Variants in KCNIP1 observed in about 807,000 individuals in gnomAD.
KCNIP1 encodes potassium voltage-gated channel interacting protein 1.
In KCNIP1, 18 loss-of-function variants were observed where a neutral mutation model predicts 33.0. The ratio of observed to expected loss-of-function variants is 0.55; its 90% CI spans 0.38 to 0.81. The LOEUF (loss-of-function observed/expected upper bound fraction) is 0.81. Among genes scored for constraint, KCNIP1 ranks in the 30% least tolerant of loss-of-function variants. The probability of loss-of-function intolerance (pLI) is 0.00; values close to 1 mark genes in which losing one functional copy is unlikely to be tolerated. For missense variants in KCNIP1, 238 were observed against 271.6 expected (o/e 0.88, Z 0.87); for synonymous variants, 93 against 98.3 (o/e 0.95, Z 0.32).
At chr5:170,734,253 GGA>G (rs1055872658) in intron 7 of KCNIP1, among the ~76,000 whole-genome samples, 2 of 65,406 alleles carry the variant, frequency 3.1e-5, no homozygotes, top group African/African-American at 1.1e-4. Context: ...GCAGCTGGGG[GGA>G]AAAAAACCTA....
chr5:170,381,130 T>C (rs1489736798), intron 1 of KCNIP1, among the ~76,000 whole-genome samples: 2 of 152,182 alleles, frequency 1.3e-5, no homozygotes, highest in African/African-American at 2.4e-5. Flanking sequence ...CTCTGCCTGC[T>C]CAGGGTTCCT....
chr5:170,497,616 C>T (rs560883671), intron 1 of KCNIP1, among the ~76,000 whole-genome samples: 20 of 152,196 alleles, frequency 1.3e-4, no homozygotes, highest in Non-Finnish European at 2.2e-4. Flanking sequence ...TCTAACCACC[C>T]GTCCCCTTTC....
intron 1 of KCNIP1, among the ~76,000 whole-genome samples, chr5:170,358,115 G>T (rs1392996731): frequency 6.6e-6 from 1 of 152,134 alleles, no homozygotes; most frequent in Non-Finnish European, 1.5e-5. Flanking sequence ...AGTTGTGCAG[G>T]CTCCATTCTG....
chr5:170,694,644 T>C (rs1762831850), intron 1 of KCNIP1, among the ~76,000 whole-genome samples: 1 of 152,274 alleles, frequency 6.6e-6, no homozygotes, highest in Non-Finnish European at 1.5e-5. Context: ...CTTCCTGAGA[T>C]TGGTTATGAA....
intron 1 of KCNIP1, among the ~76,000 whole-genome samples, chr5:170,691,677 A>G (rs1004182067): frequency 6.6e-6 from 1 of 152,164 alleles, no homozygotes. Context: ...TTCCACTAGT[A>G]TCATGTGGCC....
intron 1 of KCNIP1, among the ~76,000 whole-genome samples, chr5:170,670,863 T>C (rs1761890012): frequency 6.7e-6 from 1 of 149,342 alleles, no homozygotes; most frequent in African/African-American, 2.5e-5. Flanking sequence ...ACCACTGCAC[T>C]CCAGCCTGGG....
intron 1 of KCNIP1, among the ~76,000 whole-genome samples, chr5:170,465,124 G>A (rs1756582124): frequency 6.6e-6 from 1 of 152,206 alleles, no homozygotes; most frequent in Non-Finnish European, 1.5e-5. Flanking sequence ...GCTGGAGAGA[G>A]ATGCAGACAC....
chr5:170,534,675 T>C (rs2113357465), intron 1 of KCNIP1, among the ~76,000 whole-genome samples: 1 of 151,908 alleles, frequency 6.6e-6, no homozygotes, highest in East Asian at 1.9e-4. Context: ...GGCACCACCA[T>C]GCCCAGCTAA....
chr5:170,652,598 C>G (rs1052656075), intron 1 of KCNIP1, among the ~76,000 whole-genome samples: 2 of 151,372 alleles, frequency 1.3e-5, no homozygotes, highest in Non-Finnish European at 2.9e-5. Context: ...TAGCCAGAAA[C>G]AGAGGAAAGG....
rs148947940 is a variant in KCNIP1 at position 170,585,994 on chromosome 5, G to T, written c.61+81361G>T. ...TAGTGGTTGATCGCACAGCCTTTGGGGTTAGATGTATCTGCTTCCAAGTCC... is the reference window on the plus strand; with the variant it reads ...TAGTGGTTGATCGCACAGCCTTTGGTGTTAGATGTATCTGCTTCCAAGTCC... On this transcript the variant is annotated intron_variant, in intron 1 of 7. Coordinates refer to ENST00000328939, the MANE Select transcript of KCNIP1 (RefSeq NM_014592.4). 7.8e-4 allele frequency among the ~76,000 whole-genome samples: 119 copies of T among 152,280 alleles called. 2 individuals are homozygous for T. Among genetic ancestry groups the T allele is most frequent in the African/African-American group, 2.7e-3 (113 of 41,540 alleles).
chr5:170,494,394 T>A (rs1358912837), intron 1 of KCNIP1, among the ~76,000 whole-genome samples: 1 of 152,106 alleles, frequency 6.6e-6, no homozygotes, highest in Non-Finnish European at 1.5e-5. Context: ...ACTGCTCTAG[T>A]CAAGGTAGTG....
intron 1 of KCNIP1, among the ~76,000 whole-genome samples, chr5:170,570,072 G>A (rs1046321221): frequency 6.6e-6 from 1 of 152,146 alleles, no homozygotes; most frequent in Non-Finnish European, 1.5e-5. Context: ...GATGCTCTAC[G>A]ATGTCGTACG....
At position 170,385,328 on chromosome 5, in the gene KCNIP1, G is replaced by A. The variant is rs776683896; in HGVS notation, c.88+31364G>A. On this transcript the variant is annotated intron_variant, in intron 1 of 7. Transcript: ENST00000377360. ...GAGCTCAGTACCTTTTCTGGTAGAGGGGCAGCACAGTCGTGACCAGGATGT... is the reference window on the plus strand; with the variant it reads ...GAGCTCAGTACCTTTTCTGGTAGAGAGGCAGCACAGTCGTGACCAGGATGT... 1.9e-5 allele frequency: 30 copies of A among 1,614,034 alleles called. No individual in the cohort carries two copies. In the Admixed American group the frequency reaches 3.7e-4, roughly 20 times the overall value.
Position 170,732,274 on chromosome 5 carries a change from C to T in KCNIP1, c.436-526C>T, listed in dbSNP as rs77817219. 6.2e-3 allele frequency among the ~76,000 whole-genome samples: 943 copies of T among 152,146 alleles called. 8 individuals are homozygous for T. The highest frequency in any genetic ancestry group is 0.021 in the African/African-American group (852 of 41,480). On this transcript the variant is annotated intron_variant, in intron 5 of 7. Transcript: ENST00000328939. The stretch of plus-strand genomic sequence containing the variant: ...TGATAAACACGGAAACTCTCAGGAC[C>T]GAGTCCTAAGGTTCTCTGATTCAAT...
At chr5:170,525,102 C>G (rs571386009) in intron 1 of KCNIP1, among the ~76,000 whole-genome samples, 1 of 152,336 alleles carries the variant, frequency 6.6e-6, no homozygotes, top group South Asian at 2.1e-4. Flanking sequence ...ACCCCATTTA[C>G]TGGGTGCCTG....
chr5:170,516,478 G>C (rs1755125834), intron 1 of KCNIP1, among the ~76,000 whole-genome samples: 1 of 152,206 alleles, frequency 6.6e-6, no homozygotes, highest in Non-Finnish European at 1.5e-5. Context: ...GACTTGAACT[G>C]ATATTTCACA....
At chr5:170,673,375 G>A (rs1024309688) in intron 1 of KCNIP1, among the ~76,000 whole-genome samples, 3 of 152,248 alleles carry the variant, frequency 2.0e-5, no homozygotes, top group African/African-American at 7.2e-5. Flanking sequence ...GAGTGGTGAT[G>A]ATGACGACCA....
At chr5:170,526,197 T>A (rs1177820238) in intron 1 of KCNIP1, among the ~76,000 whole-genome samples, 1 of 152,178 alleles carries the variant, frequency 6.6e-6, no homozygotes, top group African/African-American at 2.4e-5. Context: ...AATACCCTCA[T>A]TTGTAAAGTT....
chr5:170,441,922 A>G (rs2113036528), intron 1 of KCNIP1, among the ~76,000 whole-genome samples: 1 of 140,070 alleles, frequency 7.1e-6, no homozygotes, highest in Non-Finnish European at 1.5e-5. Context: ...ACTGCACTCC[A>G]GCCTGGGTGA....
Sources: allele counts gnomAD v4.1 joint callset (sites outside exome capture counted in the v4.1 genomes callset), GRCh38; gene constraint gnomAD v4.1.1; transcripts MANE v1.5; gene names NCBI Gene and HGNC (gene_info 2026-07-23, HGNC 2026-07-21).